DLGAP1: variants seen among roughly 807,000 people sequenced by gnomAD.
The protein encoded by DLGAP1 is disks large-associated protein 1.
DLGAP1 carries 11 observed loss-of-function variants against 90.8 expected under a neutral mutation model. The observed-to-expected ratio is 0.12, with a 90% confidence interval of 0.08 to 0.20. DLGAP1 has a LOEUF of 0.20. DLGAP1 is among the 10% of genes least tolerant of loss of function. The pLI is 1.00. For synonymous variants in DLGAP1, 558 were observed against 540.7 expected (o/e 1.03, Z -0.44); for missense variants, 1,050 against 1,333.8 (o/e 0.79, Z 3.31).
intron 1 of DLGAP1, among the ~76,000 whole-genome samples, chr18:4,191,806 C>T (rs921860451): frequency 6.6e-6 from 1 of 152,162 alleles, no homozygotes; most frequent in Non-Finnish European, 1.5e-5. Context: ...CTCTAGAGCA[C>T]TTGTCCAACT....
intron 10 of DLGAP1, among the ~76,000 whole-genome samples, chr18:3,524,670 C>A (rs576944759): frequency 6.6e-6 from 1 of 152,180 alleles, no homozygotes; most frequent in South Asian, 2.1e-4. Context: ...ATCGCTTGAA[C>A]CTAGGAGTTC....
intron 5 of DLGAP1, among the ~76,000 whole-genome samples, chr18:3,747,365 C>A (rs1219756160): frequency 2.6e-5 from 4 of 152,120 alleles, no homozygotes; most frequent in African/African-American, 9.7e-5. Context: ...AAAATTTCAA[C>A]CAACAAACAA....
chr18:3,959,516 A>G (rs1191814922), intron 3 of DLGAP1, among the ~76,000 whole-genome samples: 1 of 151,810 alleles, frequency 6.6e-6, no homozygotes, highest in Non-Finnish European at 1.5e-5. Flanking sequence ...AAAATACAAA[A>G]AGTAGCCGGA....
intron 1 of DLGAP1, among the ~76,000 whole-genome samples, chr18:4,230,254 A>G (rs1044310984): frequency 1.3e-5 from 2 of 152,168 alleles, no homozygotes; most frequent in Non-Finnish European, 2.9e-5. Context: ...TAGAGCTATT[A>G]TATGACCCAG....
At chr18:3,693,264 T>C (rs182229929) in intron 7 of DLGAP1, among the ~76,000 whole-genome samples, 1 of 152,204 alleles carries the variant, frequency 6.6e-6, no homozygotes, top group East Asian at 1.9e-4. Flanking sequence ...AATTTTTTTT[T>C]TTTGTAGAGA....
intron 7 of DLGAP1, among the ~76,000 whole-genome samples, chr18:3,650,948 C>A (rs139998837): frequency 6.6e-6 from 1 of 151,742 alleles, no homozygotes; most frequent in East Asian, 1.9e-4. Context: ...TGCCTGGAAT[C>A]CCAGCTATTC....
chr18:4,041,803 A>T (rs763494010), intron 2 of DLGAP1, among the ~76,000 whole-genome samples: 2 of 152,222 alleles, frequency 1.3e-5, no homozygotes, highest in Non-Finnish European at 2.9e-5. Context: ...CATCTCTGTT[A>T]GGGATTTAAA....
intron 5 of DLGAP1, among the ~76,000 whole-genome samples, chr18:3,791,407 T>C (rs2148227898): frequency 6.6e-6 from 1 of 152,312 alleles, no homozygotes; most frequent in East Asian, 1.9e-4. Flanking sequence ...AAGCTCAAAG[T>C]GGCTTATAAG....
chr18:4,142,461 A>G (rs138485414), intron 2 of DLGAP1, among the ~76,000 whole-genome samples: 285 of 152,300 alleles, frequency 1.9e-3, no homozygotes, highest in Middle Eastern at 0.014. Flanking sequence ...CATCTGTAAG[A>G]TTCTCATCTT....
chr18:3,760,574 C>T (rs1598625139), intron 5 of DLGAP1, among the ~76,000 whole-genome samples: 1 of 152,154 alleles, frequency 6.6e-6, no homozygotes, highest in Non-Finnish European at 1.5e-5. Context: ...CTACAGGCTG[C>T]TTTCATGATC....
At chr18:4,141,367 T>C (rs1251406409) in intron 2 of DLGAP1, among the ~76,000 whole-genome samples, 1 of 151,970 alleles carries the variant, frequency 6.6e-6, no homozygotes. Context: ...TGAAAATGAA[T>C]TTGTTTATAG....
At chr18:3,595,401 C>CA (rs2056522888) in intron 7 of DLGAP1, among the ~76,000 whole-genome samples, 1 of 152,026 alleles carries the variant, frequency 6.6e-6, no homozygotes, top group African/African-American at 2.4e-5. Context: ...GTAAGTTAAA[C>CA]AGGAAGTTGA....
chr18:4,265,075 G>A (rs1332649097), intron 1 of DLGAP1, among the ~76,000 whole-genome samples: 1 of 150,442 alleles, frequency 6.6e-6, no homozygotes, highest in Non-Finnish European at 1.5e-5. Context: ...ACAGATTTCC[G>A]GTAAATCTTA....
chr18:4,044,460 C>T lies in DLGAP1; in HGVS notation c.-158-39259G>A, dbSNP rs118190361. On this transcript the variant is annotated intron_variant, in intron 2 of 12. Coordinates refer to ENST00000315677, the MANE Select transcript of DLGAP1 (RefSeq NM_004746.4). ...ACACACTTGTTAAAAATACAAATCC[C>T]GGCCAGGCATGGTGGCTCACGCCTG... Among the ~76,000 whole-genome samples, 1,371 of 152,224 alleles carry T rather than the reference C, an allele frequency of 9.0e-3. 24 individuals carry two copies. Among genetic ancestry groups the T allele is most frequent in the East Asian group, 0.054 (279 of 5,176 alleles).
At chr18:3,557,360 A>G (rs2053817658) in intron 9 of DLGAP1, among the ~76,000 whole-genome samples, 2 of 152,046 alleles carry the variant, frequency 1.3e-5, no homozygotes, top group South Asian at 4.1e-4. Context: ...TCTCTACTAA[A>G]AAAATATAAA....
intron 5 of DLGAP1, among the ~76,000 whole-genome samples, chr18:3,810,488 C>T (rs1414796410): frequency 6.6e-6 from 1 of 151,958 alleles, no homozygotes; most frequent in East Asian, 1.9e-4. Context: ...TATCTTGGTT[C>T]AGGGCTATGA....
chr18:3,655,341 C>T (rs1008652948), intron 7 of DLGAP1, among the ~76,000 whole-genome samples: 3 of 152,164 alleles, frequency 2.0e-5, no homozygotes, highest in Admixed American at 1.3e-4. Context: ...TGTGAAACTC[C>T]TATGGGGCTA....
At chr18:4,134,093 C>A in intron 2 of DLGAP1, among the ~76,000 whole-genome samples, 1 of 152,026 alleles carries the variant, frequency 6.6e-6, no homozygotes, top group Middle Eastern at 3.4e-3. Flanking sequence ...ATGCCATATT[C>A]AAAAGATAGA....
chr18:4,294,541 C>T (rs954554063), intron 1 of DLGAP1: 2 of 152,362 alleles, frequency 1.3e-5, no homozygotes, highest in Non-Finnish European at 2.9e-5. Context: ...GGTGCAGGAA[C>T]CAGAGCGAGA....
Sources: allele counts gnomAD v4.1 joint callset (sites outside exome capture counted in the v4.1 genomes callset), GRCh38; gene constraint gnomAD v4.1.1; transcripts MANE v1.5; gene names NCBI Gene and HGNC (gene_info 2026-07-23, HGNC 2026-07-21).